Variants in PFKP observed in about 807,000 individuals in gnomAD.
PFKP encodes ATP-dependent 6-phosphofructokinase, platelet type.
PFKP carries 101 observed loss-of-function variants against 94.3 expected under a neutral mutation model. That is an observed-to-expected ratio of 1.07 (90% confidence interval 0.91 to 1.26). The LOEUF is 1.26. PFKP is among the 50% of genes most tolerant of loss of function. The probability of loss-of-function intolerance (pLI) is 0.00; values close to 1 mark genes in which losing one functional copy is unlikely to be tolerated. For synonymous variants in PFKP, 573 were observed against 432.6 expected (o/e 1.32, Z -4.03); for missense variants, 1,145 against 1,103.3 (o/e 1.04, Z -0.53).
At chr10:3,135,566 C>T (rs917708357) in intron 20 of PFKP, among the ~76,000 whole-genome samples, 170 bp from the exon 21 acceptor site, 15 of 152,248 alleles carry the variant, frequency 9.9e-5, no homozygotes, top group African/African-American at 2.2e-4. Context: ...CAGAGCTGCA[C>T]GAGGCCAGGT....
chr10:3,109,286 A>G, intron 9 of PFKP, 69 bp from the exon 10 acceptor site: 1 of 1,593,106 alleles, frequency 6.3e-7, no homozygotes, highest in South Asian at 1.1e-5. Flanking sequence ...ACGTCATGGA[A>G]AGATAGGAGG....
intron 16 of PFKP, 31 bp downstream of exon 16, chr10:3,120,075 G>A (rs779121730): frequency 6.8e-6 from 11 of 1,609,324 alleles, no homozygotes; most frequent in South Asian, 1.1e-5. Context: ...CCAGGCGGGC[G>A]CCGGCTGACG....
At chr10:3,094,067 A>T (rs1742521263) in intron 2 of PFKP, among the ~76,000 whole-genome samples, 1 of 152,176 alleles carries the variant, frequency 6.6e-6, no homozygotes, top group Non-Finnish European at 1.5e-5. Context: ...ATCTAGTTTC[A>T]GTGAACATTT....
intron 15 of PFKP, 128 bp from the exon 16 acceptor site, chr10:3,119,764 G>GGTCTCTC: frequency 1.5e-6 from 1 of 657,914 alleles, no homozygotes; most frequent in South Asian, 2.0e-5. Context: ...TGATCTCGGA[G>GGTCTCTC]TGTTTTCGTG....
At chr10:3,100,994 T>C in intron 3 of PFKP, 1 of 1,611,876 alleles carries the variant, frequency 6.2e-7, no homozygotes. Context: ...GCCGGCATGC[T>C]CTGGTGGTCA....
At chr10:3,078,228 G>A (rs190239852) in intron 1 of PFKP, among the ~76,000 whole-genome samples, 4 of 152,334 alleles carry the variant, frequency 2.6e-5, no homozygotes, top group Non-Finnish European at 5.9e-5. Flanking sequence ...CACGTTGCGG[G>A]CTGTGAAAGC....
intron 16 of PFKP, among the ~76,000 whole-genome samples, chr10:3,120,451 C>G (rs531252136): frequency 1.3e-5 from 2 of 152,004 alleles, no homozygotes; most frequent in East Asian, 3.9e-4. Context: ...TGAACCCCTG[C>G]CTTGATGCTG....
chr10:3,134,718 C>T lies in PFKP; in HGVS notation c.2122+136C>T, dbSNP rs1839025386. 2.7e-5 allele frequency: 16 copies of T among 596,268 alleles called. No homozygotes were observed. In the South Asian group the frequency reaches 3.5e-4, roughly 13 times the overall value. 36.9% of individuals were successfully genotyped at this position (596,268 alleles called of 1,614,324 possible). A position where few individuals can be genotyped will look rare whatever the true frequency, so the allele number is the denominator to read the frequency against. On this transcript the variant is annotated intron_variant, in intron 20 of 21. Transcript: ENST00000381125. ...GTACTGAGCTGCACGTGATGTTTTA[C>T]TCCTGATCTCTGAGTGTTGCTATTT...
At chr10:3,078,853 A>C (rs1832800172) in intron 1 of PFKP, among the ~76,000 whole-genome samples, 1 of 152,178 alleles carries the variant, frequency 6.6e-6, no homozygotes, top group African/African-American at 2.4e-5. Flanking sequence ...CCCTGAGCTC[A>C]AGGAGGACAC....
intron 13 of PFKP, 85 bp downstream of exon 13, chr10:3,113,603 C>T: frequency 2.6e-6 from 3 of 1,149,766 alleles, no homozygotes; most frequent in Non-Finnish European, 3.7e-6. Flanking sequence ...CCCTCCATGG[C>T]CCTCATACCT....
chr10:3,120,379 G>C (rs74112554), intron 16 of PFKP, among the ~76,000 whole-genome samples: 1 of 47,890 alleles, frequency 2.1e-5, no homozygotes, highest in South Asian at 7.1e-4. Context: ...CTGTGTGTGT[G>C]TGTGTGTGTG....
chr10:3,095,640 G>C (rs1173653842), intron 2 of PFKP, among the ~76,000 whole-genome samples: 1 of 152,220 alleles, frequency 6.6e-6, no homozygotes, highest in Admixed American at 6.5e-5. Context: ...AATTCCAAAA[G>C]GGTGTTTTAG....
chr10:3,103,635 G>C, intron 4 of PFKP, 144 bp from the exon 5 acceptor site: 1 of 814,798 alleles, frequency 1.2e-6, no homozygotes, highest in Non-Finnish European at 1.9e-6. Flanking sequence ...TCAGAAAAAT[G>C]ATAATAAAGA....
In PFKP at chr10:3,136,396, G is replaced by A. The variant is rs1161391772; in HGVS notation, c.2226-54G>A. 3 of 1,596,134 alleles carry A rather than the reference G, an allele frequency of 1.9e-6. No homozygotes were observed. In the African/African-American group the frequency reaches 4.0e-5, roughly 21 times the overall value. ...CGCTCGCTGTGCTGGCCAGGCGGAGGCATCTCCCGCCAGTGACTGCAGGCC... is the reference window on the plus strand; with the variant it reads ...CGCTCGCTGTGCTGGCCAGGCGGAGACATCTCCCGCCAGTGACTGCAGGCC... On this transcript the variant is annotated intron_variant, in intron 21 of 21. Coordinates refer to ENST00000381125, the MANE Select transcript of PFKP (RefSeq NM_002627.5).
At chr10:3,134,018 G>A (rs890882361) in intron 19 of PFKP, among the ~76,000 whole-genome samples, 1 of 152,156 alleles carries the variant, frequency 6.6e-6, no homozygotes, top group Non-Finnish European at 1.5e-5. Flanking sequence ...AGCTGAGCCT[G>A]GGACACAGGG....
intron 2 of PFKP, among the ~76,000 whole-genome samples, chr10:3,097,077 C>A (rs1160044811): frequency 8.9e-4 from 88 of 98,336 alleles, no homozygotes; most frequent in South Asian, 1.1e-3. Context: ...GACTCCGTCT[C>A]AAAAAAACAA....
chr10:3,136,118 G>A (rs748216615), intron 21 of PFKP, among the ~76,000 whole-genome samples: 1 of 152,088 alleles, frequency 6.6e-6, no homozygotes, highest in Non-Finnish European at 1.5e-5. Flanking sequence ...ACAAAAATGA[G>A]CCAGGCATGG....
At chr10:3,093,772 C>G (rs558936709) in intron 2 of PFKP, among the ~76,000 whole-genome samples, 1 of 151,370 alleles carries the variant, frequency 6.6e-6, no homozygotes, top group Admixed American at 6.6e-5. Context: ...GCCTCCCGAG[C>G]AGCTGGGACT....
intron 1 of PFKP, chr10:3,069,432 G>GGCTTCTCA: frequency 6.5e-7 from 1 of 1,548,154 alleles, no homozygotes; most frequent in Non-Finnish European, 8.8e-7. Context: ...GACCCAGAGT[G>GGCTTCTCA]GCTTCTCAGT....
Sources: allele counts gnomAD v4.1 joint callset (sites outside exome capture counted in the v4.1 genomes callset), GRCh38; gene constraint gnomAD v4.1.1; transcripts MANE v1.5; gene names NCBI Gene and HGNC (gene_info 2026-07-23, HGNC 2026-07-21).